FHIT: variants seen among roughly 807,000 people sequenced by gnomAD.
FHIT encodes bis(5'-adenosyl)-triphosphatase.
In FHIT, 19 loss-of-function variants were observed where a neutral mutation model predicts 17.9. The observed-to-expected ratio is 1.06, with a 90% CI of 0.74 to 1.56. FHIT has a LOEUF of 1.56. Among genes scored for constraint, FHIT ranks in the 40% most tolerant of loss-of-function variants. FHIT has a pLI of 0.00. For missense variants in FHIT, 248 were observed against 189.2 expected, an observed-to-expected ratio of 1.31 and a Z score of -1.82; for synonymous variants, 81 against 69.7, an observed-to-expected ratio of 1.16 and a Z score of -0.81.
Position 60,322,890 on chromosome 3 carries a change from T to C in FHIT, c.103+213970A>G, listed in dbSNP as rs547941534. Among the ~76,000 whole-genome samples, 17 of 152,300 alleles carry C rather than the reference T, an allele frequency of 1.1e-4. 1 individual carries two copies. In the South Asian group the frequency reaches 1.9e-3, roughly 17 times the overall value. On this transcript the variant is annotated intron_variant, in intron 5 of 9. Coordinates refer to ENST00000492590, the MANE Select transcript of FHIT (RefSeq NM_002012.4). ...TCCCAAATTTGAACCGTCTGAATTATGAAAAAAATACAATGTTTAACTAGA... is the reference window on the plus strand; with the variant it reads ...TCCCAAATTTGAACCGTCTGAATTACGAAAAAAATACAATGTTTAACTAGA...
chr3:60,630,161 G>A (rs1410107961), intron 4 of FHIT, among the ~76,000 whole-genome samples: 1 of 152,174 alleles, frequency 6.6e-6, no homozygotes, highest in African/African-American at 2.4e-5. Context: ...CTTCTAGCCA[G>A]GAGGTCTGGC....
At chr3:60,006,246 A>C (rs1313292677) in intron 7 of FHIT, among the ~76,000 whole-genome samples, 1 of 152,210 alleles carries the variant, frequency 6.6e-6, no homozygotes, top group African/African-American at 2.4e-5. Flanking sequence ...TGTCATTTTT[A>C]TAAGTTCAGA....
At chr3:60,268,669 T>C (rs1027740868) in intron 5 of FHIT, among the ~76,000 whole-genome samples, 11 of 152,224 alleles carry the variant, frequency 7.2e-5, no homozygotes, top group African/African-American at 2.7e-4. Flanking sequence ...ATATCCTCCA[T>C]AGTATCTGTG....
intron 5 of FHIT, among the ~76,000 whole-genome samples, chr3:60,506,091 A>T (rs148328535): frequency 1.3e-5 from 2 of 152,290 alleles, no homozygotes; most frequent in East Asian, 3.9e-4. Context: ...CATGAGTAAA[A>T]TGTGAAAATT....
At chr3:60,520,127 C>T (rs539178645) in intron 5 of FHIT, among the ~76,000 whole-genome samples, 2 of 152,184 alleles carry the variant, frequency 1.3e-5, no homozygotes, top group African/African-American at 4.8e-5. Flanking sequence ...TGTGTGCCTA[C>T]GTTTCGATAA....
chr3:59,820,360 C>T (rs75884005), intron 8 of FHIT, among the ~76,000 whole-genome samples: 2,777 of 152,246 alleles, frequency 0.018, 47 homozygotes, highest in Middle Eastern at 0.034. Context: ...CAACTTAGTA[C>T]CAGGTACTAC....
At chr3:61,205,491 C>G (rs1434814292) in intron 1 of FHIT, among the ~76,000 whole-genome samples, 1 of 152,134 alleles carries the variant, frequency 6.6e-6, no homozygotes, top group Non-Finnish European at 1.5e-5. Flanking sequence ...CTGTTGTTTC[C>G]TGACATTTTA....
chr3:60,447,996 T>C (rs1049695564), intron 5 of FHIT, among the ~76,000 whole-genome samples: 3 of 152,194 alleles, frequency 2.0e-5, no homozygotes, highest in Non-Finnish European at 4.4e-5. Flanking sequence ...TTTTGAATGC[T>C]ATTTCAGAAT....
At chr3:60,595,496 T>A (rs1420960514) in intron 4 of FHIT, among the ~76,000 whole-genome samples, 2 of 135,038 alleles carry the variant, frequency 1.5e-5, no homozygotes, top group Non-Finnish European at 3.1e-5. Context: ...AATATGTATA[T>A]ATGTGTGTGT....
intron 3 of FHIT, among the ~76,000 whole-genome samples, chr3:60,938,351 C>T (rs1440421452): frequency 6.6e-6 from 1 of 152,166 alleles, no homozygotes; most frequent in Non-Finnish European, 1.5e-5. Flanking sequence ...TTTACATGGT[C>T]CCCTATACCA....
intron 5 of FHIT, among the ~76,000 whole-genome samples, chr3:60,387,192 T>A (rs1388683907): frequency 2.6e-5 from 4 of 151,952 alleles, no homozygotes; most frequent in African/African-American, 9.7e-5. Flanking sequence ...GGTTTCACAA[T>A]GTCAGCTAGG....
chr3:60,365,153 A>G (rs994530951), intron 5 of FHIT, among the ~76,000 whole-genome samples: 2 of 149,126 alleles, frequency 1.3e-5, no homozygotes, highest in African/African-American at 4.9e-5. Flanking sequence ...AGTATATATT[A>G]TATATGTATT....
At chr3:60,237,337 C>A (rs868445424) in intron 5 of FHIT, among the ~76,000 whole-genome samples, 68 of 144,142 alleles carry the variant, frequency 4.7e-4, no homozygotes, top group African/African-American at 1.7e-3. Flanking sequence ...TTGAGAAATG[C>A]CCATATTTAC....
chr3:60,939,744 C>A (rs1273852971), intron 3 of FHIT, among the ~76,000 whole-genome samples: 1 of 151,956 alleles, frequency 6.6e-6, no homozygotes, highest in African/African-American at 2.4e-5. Flanking sequence ...GTAAAAATTC[C>A]TTTCTTCAAC....
At chr3:60,029,579 A>G (rs1700895475) in intron 5 of FHIT, among the ~76,000 whole-genome samples, 1 of 152,120 alleles carries the variant, frequency 6.6e-6, no homozygotes, top group Non-Finnish European at 1.5e-5. Context: ...TTAAAGTCAA[A>G]GTTCTCTTTT....
chr3:59,847,371 T>C (rs562103360), intron 8 of FHIT, among the ~76,000 whole-genome samples: 2 of 152,286 alleles, frequency 1.3e-5, no homozygotes, highest in East Asian at 3.9e-4. Flanking sequence ...GCCTTTGAGT[T>C]CTAGTGAATT....
intron 5 of FHIT, among the ~76,000 whole-genome samples, chr3:60,503,729 T>C (rs13059195): frequency 0.21 from 31,403 of 151,998 alleles, 4,066 homozygotes; most frequent in African/African-American, 0.35. Flanking sequence ...GGTATTAGGA[T>C]CAAAAGAAAG....
At chr3:59,873,939 G>C (rs1373899195) in intron 8 of FHIT, among the ~76,000 whole-genome samples, 1 of 152,078 alleles carries the variant, frequency 6.6e-6, no homozygotes, top group African/African-American at 2.4e-5. Context: ...CAACAAATTA[G>C]TATGAAGCCT....
At chr3:60,856,810 G>A (rs782806438) in intron 3 of FHIT, among the ~76,000 whole-genome samples, 4 of 151,886 alleles carry the variant, frequency 2.6e-5, no homozygotes, top group African/African-American at 9.7e-5. Context: ...CTTCTTCAGT[G>A]CGTGGACCCT....
Sources: gnomAD v4.1 joint callset for allele counts (sites outside exome capture counted in the v4.1 genomes callset) on GRCh38, gnomAD v4.1.1 for gene constraint, MANE v1.5 for transcripts, NCBI Gene and HGNC (gene_info 2026-07-23, HGNC 2026-07-21) for gene names.